Variants in DAB1 observed in about 807,000 individuals in gnomAD.
DAB1 encodes the protein DAB adaptor protein 1, also known as disabled homolog 1.
In DAB1, 15 loss-of-function variants were observed where a neutral mutation model predicts 64.6. The ratio of observed to expected loss-of-function variants is 0.23; its 90% CI spans 0.16 to 0.36. The LOEUF is 0.36. DAB1 is among the 10% of genes least tolerant of loss of function. The probability of loss-of-function intolerance (pLI) is 1.00; values close to 1 mark genes in which losing one functional copy is unlikely to be tolerated. For missense variants in DAB1, 596 were observed against 706.7 expected (o/e 0.84, Z 1.78); for synonymous variants, 235 against 251.9 (o/e 0.93, Z 0.64).
chr1:57,603,944 T>A (rs1360160962), intron 7 of DAB1, among the ~76,000 whole-genome samples: 1 of 152,218 alleles, frequency 6.6e-6, no homozygotes, highest in Non-Finnish European at 1.5e-5. Flanking sequence ...CACTTCTCAT[T>A]CCCAAATCCC....
At chr1:58,157,932 C>T (rs1655305811) in intron 4 of DAB1, among the ~76,000 whole-genome samples, 1 of 152,180 alleles carries the variant, frequency 6.6e-6, no homozygotes, top group South Asian at 2.1e-4. Context: ...ATTTATAGTA[C>T]ATGGGACTTA....
At chr1:57,710,496 T>C (rs1005189370) in intron 6 of DAB1, among the ~76,000 whole-genome samples, 1 of 152,228 alleles carries the variant, frequency 6.6e-6, no homozygotes, top group Non-Finnish European at 1.5e-5. Flanking sequence ...TCAGGCCTTA[T>C]GAGCATGTTC....
chr1:57,129,843 T>C (rs766973327), intron 4 of DAB1, among the ~76,000 whole-genome samples: 1 of 152,078 alleles, frequency 6.6e-6, no homozygotes, highest in South Asian at 2.1e-4. Flanking sequence ...GGCTCCAATA[T>C]CAGGGCCAGA....
At chr1:57,330,400 G>A (rs1010997178) in intron 1 of DAB1, among the ~76,000 whole-genome samples, 2 of 152,170 alleles carry the variant, frequency 1.3e-5, no homozygotes, top group Non-Finnish European at 2.9e-5. Flanking sequence ...CACACAGGTT[G>A]TGGAGTCACA....
chr1:58,475,224 C>T lies in DAB1; in HGVS notation n.257+30836G>A, dbSNP rs928329629. Among the ~76,000 whole-genome samples, 7 of 152,218 alleles carry T rather than the reference C, an allele frequency of 4.6e-5. No homozygotes were observed. The East Asian group carries it at 7.7e-4, about 17-fold the overall frequency. On this transcript the variant is annotated intron_variant and non_coding_transcript_variant, in intron 3 of 20. Transcript: ENST00000485760. ...AGGCTGGAGTGCAGTGGCACGATCT[C>T]GGCTCACTGTAACCTCTGCCTCCTG...
chr1:57,362,121 C>T (rs75826952), intron 1 of DAB1, among the ~76,000 whole-genome samples: 1 of 152,228 alleles, frequency 6.6e-6, no homozygotes, highest in East Asian at 1.9e-4. Flanking sequence ...GAGATACCTG[C>T]CATCAGATTT....
intron 1 of DAB1, among the ~76,000 whole-genome samples, chr1:57,320,779 C>A (rs566445153): frequency 5.3e-5 from 8 of 152,272 alleles, no homozygotes; most frequent in African/African-American, 1.9e-4. Context: ...CATATAATCT[C>A]ATTTAATCAC....
chr1:57,656,809 T>C lies in DAB1; in HGVS notation n.552-7144A>G, dbSNP rs374368427. Among the ~76,000 whole-genome samples the C allele has an allele frequency of 3.3e-5, 5 of 152,380 alleles. No homozygotes were observed. In the East Asian group the frequency reaches 9.6e-4, roughly 29 times the overall value. On this transcript the variant is annotated intron_variant and non_coding_transcript_variant, in intron 6 of 20. Coordinates refer to the DAB1 transcript ENST00000485760. ...CTTTCTATGAAAATTTAGTATATTT[T>C]CTTAATAACATGTGAGCTCTGTGTG...
intron 7 of DAB1, among the ~76,000 whole-genome samples, chr1:57,520,324 A>G (rs1644510348): frequency 2.6e-5 from 4 of 152,354 alleles, no homozygotes; most frequent in Admixed American, 6.5e-5. Flanking sequence ...GTTTACCAAT[A>G]AGCTACCAGT....
intron 7 of DAB1, among the ~76,000 whole-genome samples, chr1:57,535,496 T>C (rs1638909052): frequency 6.9e-6 from 1 of 145,956 alleles, no homozygotes; most frequent in Admixed American, 7.1e-5. Flanking sequence ...TTGGAGACTG[T>C]GTCTTGCTCT....
upstream of DAB1, among the ~76,000 whole-genome samples, chr1:57,427,127 T>C (rs1027932530): frequency 2.0e-5 from 3 of 152,150 alleles, no homozygotes; most frequent in African/African-American, 7.2e-5. Context: ...CCTCCCAAAG[T>C]GCTGGGATTA....
intron 5 of DAB1, among the ~76,000 whole-genome samples, chr1:58,143,318 G>T (rs1161683981): frequency 6.6e-6 from 1 of 152,118 alleles, no homozygotes; most frequent in Non-Finnish European, 1.5e-5. Flanking sequence ...CTCAATAATG[G>T]AGATGAGGGA....
At chr1:58,168,985 G>A (rs1386758841) in intron 4 of DAB1, among the ~76,000 whole-genome samples, 1 of 152,148 alleles carries the variant, frequency 6.6e-6, no homozygotes, top group African/African-American at 2.4e-5. Context: ...GAATGCATTG[G>A]TAAGGGCCAC....
intron 6 of DAB1, among the ~76,000 whole-genome samples, chr1:57,752,898 A>T (rs549733344): frequency 1.3e-5 from 2 of 152,272 alleles, no homozygotes; most frequent in East Asian, 3.9e-4. Flanking sequence ...TTCCTTCCAA[A>T]CAAGAAACTT....
intron 7 of DAB1, among the ~76,000 whole-genome samples, chr1:57,594,855 C>T (rs1645487514): frequency 6.6e-6 from 1 of 152,016 alleles, no homozygotes; most frequent in Non-Finnish European, 1.5e-5. Context: ...GGACTACAGG[C>T]GCCTGCCACC....
At chr1:57,677,398 C>A (rs753582221) in intron 6 of DAB1, among the ~76,000 whole-genome samples, 1 of 152,122 alleles carries the variant, frequency 6.6e-6, no homozygotes, top group Non-Finnish European at 1.5e-5. Flanking sequence ...AGAAAGGAGA[C>A]CAAGGCTCAA....
chr1:57,684,025 C>G (rs1292466758), intron 6 of DAB1, among the ~76,000 whole-genome samples: 1 of 151,716 alleles, frequency 6.6e-6, no homozygotes, highest in Non-Finnish European at 1.5e-5. Flanking sequence ...AATCTCAGAG[C>G]TTAAAGACTG....
Position 57,595,796 on chromosome 1 carries a change from G to A in DAB1, n.625+53796C>T, listed in dbSNP as rs185637737. 1.6e-4 allele frequency among the ~76,000 whole-genome samples: 25 copies of A among 152,204 alleles called. No homozygotes were observed. The East Asian group carries it at 4.6e-3, about 28-fold the overall frequency. The stretch of plus-strand genomic sequence containing the variant: ...TCATGACATCAGGTTGTTTAGAAAT[G>A]TGTAGCACCTCCCCACCTCTCTTCC... On this transcript the variant is annotated intron_variant and non_coding_transcript_variant, in intron 7 of 20. Coordinates refer to the DAB1 transcript ENST00000485760.
At chr1:57,704,236 G>A (rs1646939701) in intron 6 of DAB1, among the ~76,000 whole-genome samples, 1 of 152,144 alleles carries the variant, frequency 6.6e-6, no homozygotes. Context: ...AAAATTGGAT[G>A]ATTTTGTCAA....
Sources: gnomAD v4.1 joint callset for allele counts (sites outside exome capture counted in the v4.1 genomes callset) on GRCh38, gnomAD v4.1.1 for gene constraint, MANE v1.5 for transcripts, NCBI Gene and HGNC (gene_info 2026-07-23, HGNC 2026-07-21) for gene names.